FSTL4: variants seen among roughly 807,000 people sequenced by gnomAD.
FSTL4 encodes the protein follistatin like 4.
Under a neutral mutation model 78.2 loss-of-function variants are expected in FSTL4, and 28 were observed. That is an observed-to-expected ratio of 0.36 (90% confidence interval 0.27 to 0.49). The LOEUF (loss-of-function observed/expected upper bound fraction) is 0.49. Among genes scored for constraint, FSTL4 ranks in the 20% least tolerant of loss-of-function variants. The probability of loss-of-function intolerance (pLI) is 0.98; values close to 1 mark genes in which losing one functional copy is unlikely to be tolerated. For synonymous variants in FSTL4, 422 were observed against 440.5 expected (o/e 0.96, Z 0.53); for missense variants, 922 against 1,084.9 (o/e 0.85, Z 2.11).
chr5:133,768,678 A>G, the FSTL4 span, among the ~76,000 whole-genome samples: 2 of 152,188 alleles, frequency 1.3e-5, no homozygotes, highest in Non-Finnish European at 2.9e-5. Context: ...CCTCAAGACC[A>G]CTGCTGACCT....
At chr5:133,294,077 C>T (rs1753330848) in intron 6 of FSTL4, among the ~76,000 whole-genome samples, 2 of 152,166 alleles carry the variant, frequency 1.3e-5, no homozygotes, top group South Asian at 4.1e-4. Context: ...TCCCATCGTG[C>T]CCTCCTTTGT....
intron 4 of FSTL4, among the ~76,000 whole-genome samples, chr5:133,363,645 G>A (rs527634459): frequency 6.6e-6 from 1 of 152,260 alleles, no homozygotes; most frequent in Non-Finnish European, 1.5e-5. Flanking sequence ...AGGCCAACAA[G>A]GCTGCTCCTG....
the FSTL4 span, among the ~76,000 whole-genome samples, chr5:133,823,760 C>G: frequency 2.6e-5 from 4 of 152,072 alleles, no homozygotes; most frequent in Admixed American, 2.0e-4. Context: ...GCTTTCTGAC[C>G]AAGGTCAGCA....
chr5:133,360,473 ATTTTTTT>A (rs57176651), intron 4 of FSTL4, among the ~76,000 whole-genome samples: 5,829 of 131,038 alleles, frequency 0.044, 204 homozygotes, highest in Admixed American at 0.11. Flanking sequence ...TCAGGCAATA[ATTTTTTT>A]TTTTTTTTTT....
intron 7 of FSTL4, among the ~76,000 whole-genome samples, chr5:133,240,591 G>C (rs1351856928): frequency 6.6e-6 from 1 of 152,224 alleles, no homozygotes; most frequent in African/African-American, 2.4e-5. Context: ...GTCCCTGGCT[G>C]ACTTGGGTGT....
At chr5:133,297,870 G>C (rs1321028696) in intron 6 of FSTL4, among the ~76,000 whole-genome samples, 1 of 152,210 alleles carries the variant, frequency 6.6e-6, no homozygotes, top group Admixed American at 6.5e-5. Flanking sequence ...GATGCCAGGT[G>C]GGGTGTGCAG....
chr5:133,308,847 C>G (rs565491886), intron 6 of FSTL4, among the ~76,000 whole-genome samples: 1 of 152,220 alleles, frequency 6.6e-6, no homozygotes, highest in Admixed American at 6.5e-5. Context: ...CTCCTGACAC[C>G]CTGCCTGTGT....
the FSTL4 span, among the ~76,000 whole-genome samples, chr5:133,628,334 TTTTG>T: frequency 9.9e-5 from 15 of 151,668 alleles, no homozygotes; most frequent in Admixed American, 7.2e-4. Context: ...AGCTGATTTT[TTTTG>T]TTTGTTTCTT....
intron 3 of FSTL4, among the ~76,000 whole-genome samples, chr5:133,564,141 C>T (rs1345271973): frequency 1.3e-5 from 2 of 152,182 alleles, no homozygotes; most frequent in Non-Finnish European, 2.9e-5. Flanking sequence ...CCTTGTGTGT[C>T]TGTGTCCAAT....
intron 3 of FSTL4, among the ~76,000 whole-genome samples, chr5:133,476,331 G>A (rs571524981): frequency 3.3e-5 from 5 of 152,274 alleles, no homozygotes; most frequent in Admixed American, 1.3e-4. Flanking sequence ...CCCCTCGACC[G>A]CCTTGTCTTG....
At chr5:133,783,609 C>T in the FSTL4 span, among the ~76,000 whole-genome samples, 11 of 152,166 alleles carry the variant, frequency 7.2e-5, no homozygotes, top group South Asian at 1.2e-3. Context: ...CCACTGTGTG[C>T]AAAATGACTG....
chr5:133,278,990 A>T (rs917853354), intron 6 of FSTL4, among the ~76,000 whole-genome samples: 2 of 152,232 alleles, frequency 1.3e-5, no homozygotes, highest in African/African-American at 2.4e-5. Flanking sequence ...CTGCACTGGG[A>T]GGCCCCAGCA....
rs1756826316 is a variant in FSTL4, at chr5:133,426,714, C to T, written c.161-25728G>A. Among the ~76,000 whole-genome samples, 1 of 152,098 alleles carries T rather than the reference C, an allele frequency of 6.6e-6. No individual in the cohort carries two copies. On this transcript the variant is annotated intron_variant, in intron 3 of 15. Coordinates refer to ENST00000265342, the MANE Select transcript of FSTL4 (RefSeq NM_015082.2). The surrounding 1 kb of genome is among the most constrained non-coding windows in gnomAD (Gnocchi z 5.0). The stretch of plus-strand genomic sequence containing the variant: ...TCTGGCTGGAGGCACAAGCCTCAGT[C>T]CTGTTATTTCCCAGGGAGACAGTCA...
intron 8 of FSTL4, among the ~76,000 whole-genome samples, chr5:133,233,002 T>C (rs546857451): frequency 1.6e-4 from 24 of 152,320 alleles, no homozygotes; most frequent in African/African-American, 4.3e-4. Flanking sequence ...AGCCTCCTAA[T>C]TGAACAAGTG....
upstream of FSTL4, among the ~76,000 whole-genome samples, chr5:133,616,913 T>C (rs1761209702): frequency 6.6e-6 from 1 of 152,086 alleles, no homozygotes; most frequent in Non-Finnish European, 1.5e-5. Context: ...TTGTCTTGCT[T>C]CCTAGCAAGA....
chr5:133,604,410 G>A lies in FSTL4; in HGVS notation c.-10-417C>T, dbSNP rs1188249580. On this transcript the variant is annotated intron_variant, in intron 1 of 15. Coordinates refer to ENST00000265342, the MANE Select transcript of FSTL4 (RefSeq NM_015082.2). ...GGGGCTAGGCACACAATTAGTGCTC[G>A]AGAAACTATGATTATGGCTGGGCGC... Among the ~76,000 whole-genome samples, 5 of 152,168 alleles carry A rather than the reference G, an allele frequency of 3.3e-5. No homozygotes were observed. In the South Asian group the frequency reaches 8.3e-4, roughly 25 times the overall value.
intron 3 of FSTL4, among the ~76,000 whole-genome samples, chr5:133,477,182 TA>T (rs1174917900): frequency 6.6e-6 from 1 of 152,128 alleles, no homozygotes; most frequent in Non-Finnish European, 1.5e-5. Flanking sequence ...TATTAGTGAG[TA>T]AAAATCTAGA....
At chr5:133,568,791 G>A (rs780308125) in intron 2 of FSTL4, among the ~76,000 whole-genome samples, 2 of 152,148 alleles carry the variant, frequency 1.3e-5, no homozygotes, top group Non-Finnish European at 2.9e-5. Context: ...TAGTATTCAT[G>A]GAACAGGAGA....
the FSTL4 span, among the ~76,000 whole-genome samples, chr5:133,620,766 C>G: frequency 6.6e-6 from 1 of 152,130 alleles, no homozygotes; most frequent in Non-Finnish European, 1.5e-5. Context: ...TACCAACAGG[C>G]TTTCAGTCTT....
Sources: allele counts gnomAD v4.1 joint callset (sites outside exome capture counted in the v4.1 genomes callset), GRCh38; gene constraint gnomAD v4.1.1; non-coding constraint Gnocchi (gnomAD v3.1); transcripts MANE v1.5; gene names NCBI Gene and HGNC (gene_info 2026-07-23, HGNC 2026-07-21).